The following AGMO variants were observed in gnomAD, a reference collection of about 807,000 sequenced individuals.
AGMO encodes alkylglycerol monooxygenase, also known as glyceryl-ether monooxygenase.
AGMO carries 75 observed loss-of-function variants against 60.2 expected under a neutral mutation model. That is an observed-to-expected ratio of 1.25 (90% CI 1.03 to 1.51). The LOEUF is 1.51. AGMO is among the 40% of genes most tolerant of loss of function. The pLI is 0.00. For missense variants in AGMO, 763 were observed against 525.5 expected (o/e 1.45, Z -4.42); for synonymous variants, 261 against 177.1 (o/e 1.47, Z -3.76).
At chr7:15,242,731 G>C (rs534741296) in intron 12 of AGMO, among the ~76,000 whole-genome samples, 4 of 152,154 alleles carry the variant, frequency 2.6e-5, no homozygotes, top group Admixed American at 6.5e-5. Context: ...CCACTGCTGA[G>C]TAAAAAACTT....
At chr7:15,241,463 A>C (rs2128503115) in intron 12 of AGMO, among the ~76,000 whole-genome samples, 3 of 111,704 alleles carry the variant, frequency 2.7e-5, no homozygotes, top group Admixed American at 1.7e-4. Context: ...CCGTCTCAAA[A>C]AAAAAAAAAA....
In AGMO at chr7:15,385,346, A is replaced by T. The variant is rs143087860; in HGVS notation, c.1074+100T>A. The T allele has an allele frequency of 1.5e-4, 115 of 792,496 alleles. 1 individual carries two copies. In the East Asian group the frequency reaches 2.9e-3, roughly 20 times the overall value. The allele number at this position is 792,496 out of a possible 1,614,324, so 49.1% of individuals were successfully genotyped here. On this transcript the variant is annotated intron_variant, in intron 10 of 12. Transcript: ENST00000342526. ...GTTGCCAAAATTACAGCAGACCACT[A>T]CAGAGAATATATGACAGCCTTAATA...
chr7:15,512,080 G>C, intron 3 of AGMO, among the ~76,000 whole-genome samples: 1 of 151,666 alleles, frequency 6.6e-6, no homozygotes. Context: ...AGATAACTAT[G>C]ACTTCTTTTG....
chr7:15,507,040 A>AT, intron 3 of AGMO, among the ~76,000 whole-genome samples: 1 of 152,184 alleles, frequency 6.6e-6, no homozygotes, highest in Middle Eastern at 3.4e-3. Flanking sequence ...ATGGTGCTTT[A>AT]TTTTTTAAAA....
intron 2 of AGMO, among the ~76,000 whole-genome samples, chr7:15,551,198 C>A (rs1230690006): frequency 6.6e-6 from 1 of 152,044 alleles, no homozygotes; most frequent in African/African-American, 2.4e-5. Flanking sequence ...ATGACAAACC[C>A]ACAGCCAATA....
intron 12 of AGMO, among the ~76,000 whole-genome samples, chr7:15,204,857 G>T (rs1781401043): frequency 6.6e-6 from 1 of 152,086 alleles, no homozygotes; most frequent in African/African-American, 2.4e-5. Context: ...GTGTGTGTGT[G>T]TTTGTTGCTT....
chr7:15,298,331 C>A (rs563884753), intron 12 of AGMO, among the ~76,000 whole-genome samples: 2 of 152,198 alleles, frequency 1.3e-5, no homozygotes, highest in Admixed American at 6.5e-5. Context: ...TTCAATCATT[C>A]AACCAATGTG....
chr7:15,430,644 A>AAAAC (rs1562503211), intron 4 of AGMO, among the ~76,000 whole-genome samples: 1 of 144,372 alleles, frequency 6.9e-6, no homozygotes, highest in African/African-American at 2.5e-5. Context: ...AAAAAAAAAA[A>AAAAC]AACTGGTAAA....
chr7:15,211,206 TTGAG>T (rs1781578649), intron 12 of AGMO, among the ~76,000 whole-genome samples: 1 of 152,048 alleles, frequency 6.6e-6, no homozygotes, highest in Non-Finnish European at 1.5e-5. Flanking sequence ...CAGGATTTTA[TTGAG>T]TATTGACTTA....
chr7:15,238,860 T>C (rs1017719938), intron 12 of AGMO, among the ~76,000 whole-genome samples: 2 of 152,076 alleles, frequency 1.3e-5, no homozygotes, highest in African/African-American at 2.4e-5. Flanking sequence ...ATACATGTAC[T>C]AGGAAAACAT....
the AGMO span, among the ~76,000 whole-genome samples, chr7:15,164,125 T>C: frequency 6.6e-6 from 1 of 151,900 alleles, no homozygotes; most frequent in Non-Finnish European, 1.5e-5. Context: ...TTTAACAAAG[T>C]CAACGAAAAT....
chr7:15,403,632 A>G lies in AGMO; in HGVS notation c.610-9453T>C, dbSNP rs116726604. On this transcript the variant is annotated intron_variant, in intron 5 of 12. Coordinates refer to ENST00000342526, the MANE Select transcript of AGMO (RefSeq NM_001004320.2). ...AAAAAGAATAAAATCCATGAACACT[A>G]TAAGTCAACATATTAAAATAGTTTC... Among the ~76,000 whole-genome samples the G allele has an allele frequency of 2.7e-3, 414 of 152,138 alleles. 1 individual carries two copies. The highest frequency in any genetic ancestry group is 9.1e-3 in the African/African-American group (379 of 41,554).
At chr7:15,234,308 A>T (rs190060577) in intron 12 of AGMO, among the ~76,000 whole-genome samples, 10 of 152,202 alleles carry the variant, frequency 6.6e-5, no homozygotes, top group Admixed American at 5.2e-4. Context: ...TTCTGTGTAA[A>T]TGTCTATCTC....
At position 15,366,264 on chromosome 7, in the gene AGMO, T is replaced by C. The variant is rs370445760; in HGVS notation, c.1075-42A>G. 4.5e-5 allele frequency: 67 copies of C among 1,482,256 alleles called. 1 individual carries two copies. Among genetic ancestry groups the C allele is most frequent in the Middle Eastern group, 1.7e-4 (1 of 5,832 alleles). The allele number at this position is 1,482,256 out of a possible 1,614,324, so 91.8% of individuals were successfully genotyped here. On this transcript the variant is annotated intron_variant, in intron 10 of 12. Transcript: ENST00000342526. ...GAGATCAATGGAGCCGTTAGAAGAA[T>C]TGTTAAAAGGTACACGAACGGTTAA...
rs372007085 is a variant in AGMO, at chr7:15,545,535, T to C, written c.258-612A>G. The stretch of plus-strand genomic sequence containing the variant: ...ATTATACTTATCATCAGGTATTAGA[T>C]ACTCAGAGCATTTCAACATTTCTTA... On this transcript the variant is annotated intron_variant, in intron 2 of 12. Transcript: ENST00000342526. Among the ~76,000 whole-genome samples the C allele has an allele frequency of 2.8e-4, 43 of 152,016 alleles. No individual in the cohort carries two copies. The East Asian group carries it at 7.9e-3, about 28-fold the overall frequency.
At chr7:15,433,630 T>C (rs1188007391) in intron 3 of AGMO, among the ~76,000 whole-genome samples, 1 of 152,114 alleles carries the variant, frequency 6.6e-6, no homozygotes, top group Non-Finnish European at 1.5e-5. Context: ...GAATTATCTG[T>C]TTTAAGAAAT....
At chr7:15,401,474 G>A (rs1355136362) in intron 5 of AGMO, among the ~76,000 whole-genome samples, 7 of 152,100 alleles carry the variant, frequency 4.6e-5, no homozygotes. Context: ...TGAATTGCTT[G>A]GAAATTTGCC....
At chr7:15,239,197 A>G (rs1782516737) in intron 12 of AGMO, among the ~76,000 whole-genome samples, 1 of 152,254 alleles carries the variant, frequency 6.6e-6, no homozygotes, top group South Asian at 2.1e-4. Context: ...CAAAGGGAAA[A>G]TATCACAATG....
the AGMO span, among the ~76,000 whole-genome samples, chr7:15,166,203 G>A: frequency 6.6e-6 from 1 of 150,798 alleles, no homozygotes; most frequent in South Asian, 2.1e-4. Flanking sequence ...CGGTGGTGCT[G>A]AGTGAGAAGA....
Sources: gnomAD v4.1 joint callset for allele counts (sites outside exome capture counted in the v4.1 genomes callset) on GRCh38, gnomAD v4.1.1 for gene constraint, MANE v1.5 for transcripts, NCBI Gene and HGNC (gene_info 2026-07-23, HGNC 2026-07-21) for gene names.